The following TTN variants were observed in gnomAD, a reference collection of about 807,000 sequenced individuals.
TTN encodes connectin.
A neutral mutation model predicts 3,223.0 loss-of-function variants in TTN; 1,525 were observed. That is an observed-to-expected ratio of 0.47 (90% CI 0.45 to 0.49). The LOEUF (loss-of-function observed/expected upper bound fraction) is 0.49, where lower values mean the gene tolerates loss of function less well. Ranked by LOEUF, TTN falls within the 20% of genes least tolerant of loss-of-function variation. The pLI, the probability that TTN is intolerant of heterozygous loss-of-function variation, is 0.00. For synonymous variants in TTN, 14,094 were observed against 15,161.0 expected, an observed-to-expected ratio of 0.93 and a Z score of 5.17; for missense variants, 40,786 against 43,424.0, an observed-to-expected ratio of 0.94 and a Z score of 5.40.
intron 282 of TTN, among the ~76,000 whole-genome samples, chr2:178,603,369 G>A (rs1297544329): frequency 6.6e-6 from 1 of 151,890 alleles, no homozygotes; most frequent in Admixed American, 6.6e-5. Context: ...ATTTTTGAAC[G>A]AATCTGCTCA....
In TTN at chr2:178,624,722, A is replaced by C; in HGVS notation, c.44558T>G (p.Val14853Gly). The C allele has an allele frequency of 1.2e-6, 2 of 1,612,052 alleles. No individual in the cohort carries two copies. The highest frequency in any genetic ancestry group is 1.7e-6 in the Non-Finnish European group (2 of 1,178,846). ...GTCCTCAAGAGGCTTAGTGAATTCAACTGGGGGTTCTGAAAGAATCATACT... is the reference window on the plus strand; with the variant it reads ...GTCCTCAAGAGGCTTAGTGAATTCACCTGGGGGTTCTGAAAGAATCATACT... ...HANLFVKEPP[V>G]EFTKPLEDQT... The change falls in exon 242 of 363, where the codon GTT becomes GGT. Residue 14853 changes from valine (V) to glycine (G), a missense_variant. Val to Gly is a moderately radical substitution (Grantham distance 109, BLOSUM62 -3). Coordinates refer to ENST00000589042, the MANE Select transcript of TTN (RefSeq NM_001267550.2).
chr2:178,665,323 T>C, intron 165 of TTN, 54 bp downstream of exon 165: 1 of 1,490,232 alleles, frequency 6.7e-7, no homozygotes, highest in East Asian at 2.3e-5. Context: ...ACCATAGTTT[T>C]AAGAGCAGAG....
chr2:178,663,482 C>A lies in TTN; in HGVS notation c.36567G>T (p.Lys12189Asn). ...PEAPKEVVPE[K>N]KVPVPPPKKP... ...TTTTAGGAGGAGGCACTGGCACTTT[C>A]TTTTCAGGAACAACTTCTTTGGGAG... Residue 12189 changes from lysine to asparagine, a missense_variant, in exon 172 of 363, where the codon AAG (lysine) becomes AAT (asparagine). Coordinates refer to ENST00000589042, the MANE Select transcript of TTN (RefSeq NM_001267550.2). 2 of 1,612,732 alleles carry A rather than the reference C, an allele frequency of 1.2e-6. No individual in the cohort carries two copies. The highest frequency in any genetic ancestry group is 1.7e-6 in the Non-Finnish European group (2 of 1,179,596).
At position 178,657,901 on chromosome 2, in the gene TTN, GGTTT is replaced by G; in HGVS notation, c.37849_37852del (p.Lys12617GlnfsTer329). 9.3e-7 allele frequency: 1 copy of G among 1,070,578 alleles called. No individual in the cohort carries two copies. Among genetic ancestry groups the G allele is most frequent in the Non-Finnish European group, 1.2e-6 (1 of 804,208 alleles). 66.3% of individuals were successfully genotyped at this position (1,070,578 alleles called of 1,614,324 possible). On this transcript the variant is annotated frameshift_variant, in exon 187 of 363. Coordinates refer to ENST00000589042, the MANE Select transcript of TTN (RefSeq NM_001267550.2). LOFTEE classifies it high-confidence loss of function. Reference sequence around the variant, plus strand: ...AATACCTGTGGCAGGTGGGGCTTCTGGTTTTGTGGGAGGAGCCTTAGGAACTTTC... The same window carrying G: ...AATACCTGTGGCAGGTGGGGCTTCTGTGTGGGAGGAGCCTTAGGAACTTTC...
chr2:178,555,127 T>C lies in TTN; in HGVS notation c.88332A>G (p.Leu29444=), dbSNP rs759390007. 3 of 1,611,314 alleles carry C rather than the reference T, an allele frequency of 1.9e-6. No homozygotes were observed. The African/African-American group carries it at 4.0e-5, about 22-fold the overall frequency. ...SYGGPVIDLP[L]EYTEVVKYRA... Reference sequence around the variant, plus strand: ...TGTATTTGACAACTTCTGTATATTCTAGAGGCAAATCAATTACAGGACCAC... The same window carrying C: ...TGTATTTGACAACTTCTGTATATTCCAGAGGCAAATCAATTACAGGACCAC... Residue 29444 remains leucine (L), a synonymous_variant, in exon 331 of 363, where the codon CTA becomes CTG. Transcript: ENST00000589042.
At chr2:178,598,435 T>C in intron 292 of TTN, 71 bp downstream of exon 292, 1 of 1,534,146 alleles carries the variant, frequency 6.5e-7, no homozygotes, top group South Asian at 1.3e-5. Flanking sequence ...CAGAAGTTAA[T>C]GGGATTGAGA....
In TTN at chr2:178,650,834, A is replaced by G. The variant is rs760086066; in HGVS notation, c.39626T>C (p.Val13209Ala). The change falls in exon 209 of 363, where the codon GTG (valine) becomes GCG (alanine). Residue 13209 changes from valine (V) to alanine (A), a missense_variant and splice_region_variant. By Grantham distance (64) the Val-to-Ala change is moderately conservative. Coordinates refer to ENST00000589042, the MANE Select transcript of TTN (RefSeq NM_001267550.2). ...GACAGGTTTCTTTGGCACTTCTGGC[A>G]CTTTAAAGATATTAATTCATTTTTC... ...PKKPEVPPAK[V>A]PEVPKKPVLE... The G allele has an allele frequency of 6.2e-7, 1 of 1,600,902 alleles. No individual in the cohort carries two copies. The highest frequency in any genetic ancestry group is 8.5e-7 in the Non-Finnish European group (1 of 1,172,998).
chr2:178,637,289 A>G, intron 224 of TTN, 80 bp downstream of exon 224: 1 of 1,009,150 alleles, frequency 9.9e-7, no homozygotes, highest in Non-Finnish European at 1.4e-6. Context: ...TGAATTTTGA[A>G]ATTTTTTTCC....
chr2:178,680,288 A>C lies in TTN; in HGVS notation c.33384T>G (p.Pro11128=). The C allele has an allele frequency of 6.2e-7, 1 of 1,612,034 alleles. No homozygotes were observed. Among genetic ancestry groups the C allele is most frequent in the Non-Finnish European group, 8.5e-7 (1 of 1,179,112 alleles). The change falls in exon 139 of 363, where the codon CCT becomes CCG. Residue 11128 remains proline, a synonymous_variant. Transcript: ENST00000589042. ...GTGGTGCTACTTCTTTTCTAGGGAC[A>C]GGTACTTTTTCTTCTGCGACAACCC... The part of the protein sequence containing the change: ...PKRVVAEEKV[P]VPRKEVAPPV...
In TTN at chr2:178,601,676, A is replaced by C. The variant is rs2053489886; in HGVS notation, c.55414T>G (p.Cys18472Gly). 4.4e-6 allele frequency: 7 copies of C among 1,599,942 alleles called. 1 individual carries two copies. The highest frequency in any genetic ancestry group is 2.7e-5 in the African/African-American group (2 of 73,976). ...TTCTTACCCATGACTTTAACTCTGC[A>C]ATTTGCAGTCTTTTGTCCTGCTTTA... ...KNKAGQKTAN[C>G]RVKVMDVPGP... is the part of the protein sequence containing the mutation. The change falls in exon 286 of 363, where the codon TGC becomes GGC. Residue 18472 changes from cysteine (C) to glycine (G), a missense_variant. Cys to Gly is a radical substitution (Grantham distance 159, BLOSUM62 -3). Coordinates refer to ENST00000589042, the MANE Select transcript of TTN (RefSeq NM_001267550.2).
In TTN at chr2:178,717,342, T is replaced by G. The variant is rs766560212; in HGVS notation, c.25392A>C (p.Ser8464=). The G allele has an allele frequency of 1.2e-5, 19 of 1,612,928 alleles. No homozygotes were observed. Among genetic ancestry groups the G allele is most frequent in the Non-Finnish European group, 1.4e-5 (17 of 1,179,142 alleles). The stretch of plus-strand genomic sequence containing the variant: ...CACTTTCTCCAAGAGCAAGATCTAC[T>G]GATACAGGCTTTAGATCAAAGAAAG... ...VPPFFDLKPV[S]VDLALGESGT... The change falls in exon 88 of 363, where the codon TCA becomes TCC. Residue 8464 remains serine, a synonymous_variant. Coordinates refer to ENST00000589042, the MANE Select transcript of TTN (RefSeq NM_001267550.2).
Position 178,634,866 on chromosome 2 carries a change from T to G in TTN, c.42025-17A>C. Reference sequence around the variant, plus strand: ...TTCACAAGTCTGAAAAACAATAGTTTTAGTAACCATTTGAAAGAGATAAAT... The same window carrying G: ...TTCACAAGTCTGAAAAACAATAGTTGTAGTAACCATTTGAAAGAGATAAAT... On this transcript the variant is annotated splice_polypyrimidine_tract_variant and intron_variant, in intron 228 of 362. Coordinates refer to ENST00000589042, the MANE Select transcript of TTN (RefSeq NM_001267550.2). This position sits in a 1 kb window ranked among gnomAD's most constrained non-coding sequence, Gnocchi z 4.6. The G allele has an allele frequency of 6.2e-7, 1 of 1,601,094 alleles. No individual in the cohort carries two copies. The highest frequency in any genetic ancestry group is 8.5e-7 in the Non-Finnish European group (1 of 1,176,298).
rs371552518 is a variant in TTN, at chr2:178,738,144, T to C, written c.14309A>G (p.Tyr4770Cys). ...ATACTCATTGGAAGCTTTGCATGTA[T>C]ACTCGCCGCAGTCAACCACCTGGGT... Reference protein sequence around the residue: ...LRTQVVDCGEYTCKASNEYGS... With the variant: ...LRTQVVDCGECTCKASNEYGS... The change falls in exon 49 of 363, where the codon TAT (tyrosine) becomes TGT (cysteine). Residue 4770 changes from tyrosine (Y) to cysteine (C), a missense_variant. Transcript: ENST00000589042. 170 of 1,613,764 alleles carry C rather than the reference T, an allele frequency of 1.1e-4. No individual in the cohort carries two copies. The highest frequency in any genetic ancestry group is 1.4e-4 in the Non-Finnish European group (167 of 1,179,796).
At chr2:178,745,738 G>A in intron 47 of TTN, 1 of 1,612,554 alleles carries the variant, frequency 6.2e-7, no homozygotes, top group Non-Finnish European at 8.5e-7. Context: ...TTCTTCCTTG[G>A]ACTAATTTTC....
chr2:178,557,574 C>A lies in TTN; in HGVS notation c.87707-19G>T. The A allele has an allele frequency of 3.7e-6, 6 of 1,613,754 alleles. No homozygotes were observed. Among genetic ancestry groups the A allele is most frequent in the Non-Finnish European group, 5.1e-6 (6 of 1,179,778 alleles). ...GGTGTTGCTACAAAAGAGAGAAATCCTATAGATTAGTACAGACAATAACAC... is the reference window on the plus strand; with the variant it reads ...GGTGTTGCTACAAAAGAGAGAAATCATATAGATTAGTACAGACAATAACAC... On this transcript the variant is annotated intron_variant, in intron 328 of 362. Coordinates refer to ENST00000589042, the MANE Select transcript of TTN (RefSeq NM_001267550.2).
In TTN at chr2:178,678,153, C is replaced by T. The variant is rs373083865; in HGVS notation, c.33966G>A (p.Pro11322=). 4.2e-5 allele frequency: 67 copies of T among 1,610,728 alleles called. 1 individual carries two copies. Among genetic ancestry groups the T allele is most frequent in the South Asian group, 3.0e-4 (27 of 90,194 alleles). Residue 11322 remains proline (P), a synonymous_variant, in exon 145 of 363, where the codon CCG becomes CCA. Coordinates refer to ENST00000589042, the MANE Select transcript of TTN (RefSeq NM_001267550.2). ...TGGGTGGTGGTGCTTCCACTTTTTT[C>T]GGAACAGGTGTTGGTTTCTTTTCTT... ...IPEEKKPTPV[P]KKVEAPPPKV... is the part of the protein sequence containing the mutation.
Position 178,547,677 on chromosome 2 carries a change from C to T in TTN, c.93949G>A (p.Glu31317Lys). The T allele has an allele frequency of 6.2e-7, 1 of 1,613,912 alleles. No individual in the cohort carries two copies. The highest frequency in any genetic ancestry group is 8.5e-7 in the Non-Finnish European group (1 of 1,179,832). ...GRPGPVTGPIEVSSVSAESCV... is the reference protein window; with the variant it reads ...GRPGPVTGPIKVSSVSAESCV... ...GATTCAGCTGAGACAGATGAGACCT[C>T]AATGGGGCCGGTTACTGGACCTGGC... The change falls in exon 339 of 363, where the codon GAG becomes AAG. Residue 31317 changes from glutamate to lysine, a missense_variant. Glu to Lys is a moderately conservative substitution (Grantham distance 56). Coordinates refer to ENST00000589042, the MANE Select transcript of TTN (RefSeq NM_001267550.2).
At position 178,572,085 on chromosome 2, in the gene TTN, C is replaced by T. The variant is rs755064877; in HGVS notation, c.74047G>A (p.Glu24683Lys). Residue 24683 changes from glutamate to lysine, a missense_variant, in exon 326 of 363, where the codon GAA (glutamate) becomes AAA (lysine). Coordinates refer to ENST00000589042, the MANE Select transcript of TTN (RefSeq NM_001267550.2). ...EATITGLIQGEEYSFRVSAQN... is the reference protein window; with the variant it reads ...EATITGLIQGKEYSFRVSAQN... ...GCTGAAACACGGAAAGAGTATTCTT[C>T]ACCCTGAATTAATCCAGTGATAGTG... The T allele has an allele frequency of 3.1e-6, 5 of 1,613,142 alleles. No individual in the cohort carries two copies. The South Asian group carries it at 5.5e-5, about 18-fold the overall frequency.
Position 178,651,956 on chromosome 2 carries a change from G to C in TTN, c.39307C>G (p.Pro13103Ala). Residue 13103 changes from proline to alanine, a missense_variant, in exon 205 of 363, where the codon CCT becomes GCT. Physicochemically the swap from Pro to Ala is conservative, Grantham distance 27. Coordinates refer to ENST00000589042, the MANE Select transcript of TTN (RefSeq NM_001267550.2). The part of the protein sequence containing the change: ...ESPPPEVFEE[P>A]EEVALEEPPA... Reference sequence around the variant, plus strand: ...GGCTCTTCTAGGGCAACTTCCTCAGGCTCCTCGAACACTTTAAAGACATGA... The same window carrying C: ...GGCTCTTCTAGGGCAACTTCCTCAGCCTCCTCGAACACTTTAAAGACATGA... 4 of 1,610,450 alleles carry C rather than the reference G, an allele frequency of 2.5e-6. No homozygotes were observed. Among genetic ancestry groups the C allele is most frequent in the South Asian group, 1.1e-5 (1 of 90,522 alleles).
Sources: allele counts gnomAD v4.1 joint callset (sites outside exome capture counted in the v4.1 genomes callset), GRCh38; gene constraint gnomAD v4.1.1; non-coding constraint Gnocchi (gnomAD v3.1); transcripts MANE v1.5; gene names NCBI Gene and HGNC (gene_info 2026-07-23, HGNC 2026-07-21).